The following SLC16A2 variants were observed in gnomAD, a reference collection of about 807,000 sequenced individuals.
SLC16A2 encodes solute carrier family 16 member 2, also known as monocarboxylate transporter 8.
Under a neutral mutation model 27.2 loss-of-function variants are expected in SLC16A2, and 3 were observed. The ratio of observed to expected loss-of-function variants is 0.11; its 90% confidence interval spans 0.05 to 0.28. The LOEUF (loss-of-function observed/expected upper bound fraction) is 0.28. Ranked by LOEUF, SLC16A2 falls within the 10% of genes least tolerant of loss-of-function variation. The pLI, the probability that SLC16A2 is intolerant of heterozygous loss-of-function variation, is 1.00. For synonymous variants in SLC16A2, 202 were observed against 187.8 expected, an observed-to-expected ratio of 1.08 and a Z score of -0.62; for missense variants, 295 against 458.5, an observed-to-expected ratio of 0.64 and a Z score of 3.26.
chrX:74,423,359 G>A (rs762450345), intron 1 of SLC16A2, among the ~76,000 whole-genome samples: 3 of 112,100 alleles, frequency 2.7e-5, no homozygotes, highest in African/African-American at 9.7e-5. Flanking sequence ...ACTGCCATTT[G>A]AGGGGACCTG....
chrX:74,492,915 C>G (rs1341489951), intron 1 of SLC16A2, among the ~76,000 whole-genome samples: 7 of 112,080 alleles, frequency 6.2e-5, no homozygotes, highest in Non-Finnish European at 1.3e-4. Context: ...CACAAAGATG[C>G]TGCAGAAAGA....
chrX:74,486,856 C>T (rs960673174), intron 1 of SLC16A2, among the ~76,000 whole-genome samples: 3 of 111,647 alleles, frequency 2.7e-5, no homozygotes, highest in Non-Finnish European at 3.8e-5. Context: ...TAATGATAGA[C>T]TGGATTAAGA....
chrX:74,424,510 C>T (rs1928367996), intron 1 of SLC16A2, among the ~76,000 whole-genome samples: 1 of 111,759 alleles, frequency 8.9e-6, no homozygotes, highest in Non-Finnish European at 1.9e-5. Flanking sequence ...CTCAAAATTT[C>T]CCAGCCGTCT....
intron 1 of SLC16A2, among the ~76,000 whole-genome samples, chrX:74,428,377 T>G (rs1052842142): frequency 9.0e-6 from 1 of 111,667 alleles, no homozygotes; most frequent in Admixed American, 9.5e-5. Context: ...GTTTCCAGCA[T>G]TGGTGGGAGA....
At chrX:74,499,745 C>T (rs1232113444) in intron 1 of SLC16A2, among the ~76,000 whole-genome samples, 3 of 111,771 alleles carry the variant, frequency 2.7e-5, no homozygotes, top group Admixed American at 9.5e-5. Flanking sequence ...TGAGCCACCA[C>T]GCCCCATCAT....
In SLC16A2 at chrX:74,422,006, C is replaced by G; in HGVS notation, c.369C>G (p.Ile123Met). Residue 123 changes from isoleucine to methionine, a missense_variant, in exon 1 of 6, where the codon ATC (isoleucine) becomes ATG (methionine). Transcript: ENST00000587091. ...TCGGCATCCATAACTCTGTCGGGATCCTCTACTCCATGCTGCTAGAGGAGG... is the reference window on the plus strand; with the variant it reads ...TCGGCATCCATAACTCTGTCGGGATGCTCTACTCCATGCTGCTAGAGGAGG... ...SIFGIHNSVG[I>M]LYSMLLEEEK... 2 of 1,210,983 alleles carry G rather than the reference C, an allele frequency of 1.7e-6. No individual in the cohort carries two copies. The highest frequency in any genetic ancestry group is 2.2e-6 in the Non-Finnish European group (2 of 895,483).
intron 1 of SLC16A2, among the ~76,000 whole-genome samples, chrX:74,467,176 A>G (rs1404679830): frequency 8.9e-6 from 1 of 111,969 alleles, no homozygotes; most frequent in African/African-American, 3.2e-5. Context: ...CTCCATCTAG[A>G]GAAAGCTAAG....
intron 1 of SLC16A2, among the ~76,000 whole-genome samples, chrX:74,423,838 A>G (rs1406196432): frequency 1.8e-5 from 2 of 111,681 alleles, no homozygotes; most frequent in African/African-American, 6.5e-5. Flanking sequence ...CTTCAGGATC[A>G]GTGAGTGGCA....
At position 74,435,553 on chromosome X, in the gene SLC16A2, ATT is replaced by A. The variant is rs574089496; in HGVS notation, c.430+13499_430+13500del. ...TATATATATGTATATATATATATAT[ATT>A]TTTTTTTTTTTTAGTGGATCTGGGA... On this transcript the variant is annotated intron_variant, in intron 1 of 5. Transcript: ENST00000587091. Among the ~76,000 whole-genome samples, 680 of 87,658 alleles carry A rather than the reference ATT, an allele frequency of 7.8e-3. 17 individuals carry two copies. The highest frequency in any genetic ancestry group is 0.03 in the African/African-American group (661 of 22,251). 76.1% of individuals were successfully genotyped at this position (87,658 alleles called of 115,157 possible).
intron 1 of SLC16A2, among the ~76,000 whole-genome samples, chrX:74,440,387 G>A (rs201360149): frequency 9.0e-6 from 1 of 111,188 alleles, no homozygotes; most frequent in Admixed American, 9.6e-5. Flanking sequence ...TTTAAAAAAG[G>A]TGTGTATGTG....
intron 1 of SLC16A2, among the ~76,000 whole-genome samples, chrX:74,494,944 C>G (rs772138203): frequency 9.0e-5 from 10 of 111,354 alleles, no homozygotes; most frequent in African/African-American, 3.3e-4. Flanking sequence ...CTCCACCACT[C>G]CTGCCCCCAC....
chrX:74,531,840 G>C lies in SLC16A2; in HGVS notation c.*287G>C, dbSNP rs759755678. The C allele has an allele frequency of 6.6e-4, 252 of 384,106 alleles. 1 individual carries two copies. Among genetic ancestry groups the C allele is most frequent in the Non-Finnish European group, 1.0e-3 (218 of 218,016 alleles). 31.7% of individuals were successfully genotyped at this position (384,106 alleles called of 1,213,427 possible). On this transcript the variant is annotated 3_prime_UTR_variant, in exon 6 of 6. Transcript: ENST00000587091. ...CCTCTCCATATACTTTCTAAGCTCT[G>C]GGGGAGGAGGAGGATGGGACCTCCT...
At chrX:74,514,157 T>C (rs1361172202) in intron 1 of SLC16A2, among the ~76,000 whole-genome samples, 1 of 109,563 alleles carries the variant, frequency 9.1e-6, no homozygotes, top group African/African-American at 3.3e-5. Context: ...AAAGTTGGGA[T>C]CTAAGAAAAA....
intron 1 of SLC16A2, among the ~76,000 whole-genome samples, chrX:74,481,845 G>C (rs186922150): frequency 9.2e-6 from 1 of 108,174 alleles, no homozygotes; most frequent in African/African-American, 3.4e-5. Context: ...AAAATTCATA[G>C]ACCATAAAAT....
chrX:74,428,408 C>G (rs1480765003), intron 1 of SLC16A2, among the ~76,000 whole-genome samples: 1 of 111,626 alleles, frequency 9.0e-6, no homozygotes, highest in East Asian at 2.8e-4. Context: ...TTGGCTGTCC[C>G]AATCACATAT....
chrX:74,513,060 G>C (rs757304721), intron 1 of SLC16A2, among the ~76,000 whole-genome samples: 19 of 111,685 alleles, frequency 1.7e-4, no homozygotes, highest in Non-Finnish European at 7.5e-5. Context: ...CTGAGGAAAA[G>C]TGTGAATGGT....
intron 1 of SLC16A2, among the ~76,000 whole-genome samples, chrX:74,483,418 G>T (rs1239461899): frequency 9.0e-6 from 1 of 111,187 alleles, no homozygotes; most frequent in Non-Finnish European, 1.9e-5. Flanking sequence ...TTTTTCTCTG[G>T]TTCTCTCTGT....
At chrX:74,520,890 A>G in intron 1 of SLC16A2, 100 bp from the exon 2 acceptor site, 7 of 953,218 alleles carry the variant, frequency 7.3e-6, no homozygotes, top group Non-Finnish European at 1.1e-5. Flanking sequence ...GACCAATGCA[A>G]TGCCCCCTGT....
intron 1 of SLC16A2, among the ~76,000 whole-genome samples, chrX:74,477,589 A>G (rs1006412545): frequency 8.9e-6 from 1 of 111,756 alleles, no homozygotes; most frequent in African/African-American, 3.3e-5. Context: ...TCAATTTGAG[A>G]TCTTTCCTGC....
Sources: gnomAD v4.1 joint callset for allele counts (sites outside exome capture counted in the v4.1 genomes callset) on GRCh38, gnomAD v4.1.1 for gene constraint, MANE v1.5 for transcripts, NCBI Gene and HGNC (gene_info 2026-07-23, HGNC 2026-07-21) for gene names.